AKAP9: variants seen among roughly 807,000 people sequenced by gnomAD.
AKAP9 encodes the protein A-kinase anchor protein 9.
In AKAP9, 311 loss-of-function variants were observed where a neutral mutation model predicts 488.5. That is an observed-to-expected ratio of 0.64 (90% CI 0.58 to 0.70). The LOEUF is 0.70. Ranked by LOEUF, AKAP9 falls within the 30% of genes least tolerant of loss-of-function variation. The pLI is 0.00. For synonymous variants in AKAP9, 1,462 were observed against 1,483.5 expected, an observed-to-expected ratio of 0.99 and a Z score of 0.33; for missense variants, 4,215 against 4,374.5, an observed-to-expected ratio of 0.96 and a Z score of 1.03.
rs1316869578 is a variant in AKAP9, at chr7:92,002,098, A to G, written c.2181A>G (p.Glu727=). The G allele has an allele frequency of 1.9e-6, 3 of 1,594,268 alleles. No individual in the cohort carries two copies. Among genetic ancestry groups the G allele is most frequent in the Admixed American group, 3.6e-5 (2 of 55,118 alleles). The change falls in exon 8 of 50, where the codon GAA becomes GAG. Residue 727 remains glutamate (E), a synonymous_variant. Coordinates refer to ENST00000356239, the MANE Select transcript of AKAP9 (RefSeq NM_005751.5). ...TTCAAATCAATGAACTTCAAAAAGA[A>G]ATTGAAATACTCAGACAAGAAGAAA... ...MTLQINELQK[E]IEILRQEEKE... is the part of the protein sequence containing the mutation.
In AKAP9 at chr7:92,002,784, C is replaced by T. The variant is rs1169980644; in HGVS notation, c.2867C>T (p.Ser956Leu). 4 of 1,613,534 alleles carry T rather than the reference C, an allele frequency of 2.5e-6. No individual in the cohort carries two copies. Among genetic ancestry groups the T allele is most frequent in the Non-Finnish European group, 3.4e-6 (4 of 1,179,720 alleles). The change falls in exon 8 of 50, where the codon TCA (serine) becomes TTA (leucine). Residue 956 changes from serine (S) to leucine (L), a missense_variant. By Grantham distance (145) the Ser-to-Leu change is moderately radical. Around this residue, in one of 5 missense-constraint regions of AKAP9, gnomAD observed 2,361 missense variants for 2,430.0 expected, o/e 0.97. Coordinates refer to ENST00000356239, the MANE Select transcript of AKAP9 (RefSeq NM_005751.5). ...EVTKREKLELSQRLSDLSEQL... is the reference protein window; with the variant it reads ...EVTKREKLELLQRLSDLSEQL... ...ACCAAGCGAGAGAAATTAGAGCTGT[C>T]ACAGAGACTGTCTGATCTTTCTGAA...
intron 49 of AKAP9, chr7:92,109,093 G>T: frequency 3.9e-6 from 1 of 254,342 alleles, no homozygotes; most frequent in Non-Finnish European, 7.7e-6. Context: ...CAAATCGGGT[G>T]GAGTTAAGGA....
intron 10 of AKAP9, among the ~76,000 whole-genome samples, chr7:92,015,366 ATTTT>A (rs11345067): frequency 7.3e-6 from 1 of 137,890 alleles, no homozygotes. Context: ...TGTGTTAGGA[ATTTT>A]TTTTTTTTTT....
chr7:91,992,679 A>C (rs1475902009), intron 4 of AKAP9, among the ~76,000 whole-genome samples: 3 of 56,300 alleles, frequency 5.3e-5, no homozygotes, highest in Non-Finnish European at 1.2e-4. Context: ...AAAAAAAAAA[A>C]AAAAAACTCA....
chr7:92,050,428 G>A (rs928413293), intron 21 of AKAP9, among the ~76,000 whole-genome samples: 3 of 152,076 alleles, frequency 2.0e-5, no homozygotes, highest in Non-Finnish European at 4.4e-5. Flanking sequence ...GTTGTCCTCT[G>A]AGAGAGCAGC....
intron 3 of AKAP9, among the ~76,000 whole-genome samples, chr7:91,990,830 T>G (rs1797659599): frequency 6.6e-6 from 1 of 152,234 alleles, no homozygotes; most frequent in Admixed American, 6.5e-5. Flanking sequence ...TTTTACTTTC[T>G]GTAGTCAACC....
chr7:92,077,067 TTTA>T (rs199680174), intron 29 of AKAP9, 60 bp downstream of exon 29: 475 of 469,502 alleles, frequency 1.0e-3, no homozygotes, highest in Middle Eastern at 1.3e-3. Flanking sequence ...CCTATATTGC[TTTA>T]TTATTATTAT....
intron 24 of AKAP9, chr7:92,063,603 G>A (rs779319971): frequency 3.7e-5 from 19 of 519,166 alleles, no homozygotes; most frequent in Non-Finnish European, 4.2e-5. Context: ...TAGTTTTGCA[G>A]TGTTGCTGTT....
chr7:92,085,637 C>T lies in AKAP9; in HGVS notation c.8975C>T (p.Ser2992Leu), dbSNP rs149341527. 128 of 1,613,724 alleles carry T rather than the reference C, an allele frequency of 7.9e-5. No individual in the cohort carries two copies. The African/African-American group carries it at 1.4e-3, about 18-fold the overall frequency. ...EERKAYINTI[S>L]SLKDLITKMQ... is the part of the protein sequence containing the mutation. ...AGAAAAGCTTACATCAATACAATCT[C>T]ATCTCTAAAGGATTTAATTACAAAG... Residue 2992 changes from serine (S) to leucine (L), a missense_variant, in exon 36 of 50, where the codon TCA (serine) becomes TTA (leucine). Ser to Leu is a moderately radical substitution (Grantham distance 145, BLOSUM62 -2). Around this residue, in one of 5 missense-constraint regions of AKAP9, gnomAD observed 1,476 missense variants for 1,477.4 expected, o/e 1.00. Transcript: ENST00000356239.
Position 92,014,312 on chromosome 7 carries a change from GTTC to G in AKAP9, c.3599_3601del (p.Ser1200del). 6.2e-7 allele frequency: 1 copy of G among 1,612,202 alleles called. No homozygotes were observed. Among genetic ancestry groups the G allele is most frequent in the Non-Finnish European group, 8.5e-7 (1 of 1,178,602 alleles). On this transcript the variant is annotated inframe_deletion, in exon 10 of 50. Coordinates refer to ENST00000356239, the MANE Select transcript of AKAP9 (RefSeq NM_005751.5). ...CTTCAAAAGGCAGTGTCTGAAGAATGTTCTTATTTTTTACAGGTAAAATGTTTA... is the reference window on the plus strand; with the variant it reads ...CTTCAAAAGGCAGTGTCTGAAGAATGTTATTTTTTACAGGTAAAATGTTTA...
At position 92,082,590 on chromosome 7, in the gene AKAP9, T is replaced by C; in HGVS notation, c.8088T>C (p.Ala2696=). 6.2e-7 allele frequency: 1 copy of C among 1,614,062 alleles called. No individual in the cohort carries two copies. The highest frequency in any genetic ancestry group is 8.5e-7 in the Non-Finnish European group (1 of 1,179,962). ...TTAATGAACTCGAGGCTCTTAGAGCTGAATCAGTGGCTACCAAAGCAGAAC... is the reference window on the plus strand; with the variant it reads ...TTAATGAACTCGAGGCTCTTAGAGCCGAATCAGTGGCTACCAAAGCAGAAC... ...GFFNELEALR[A]ESVATKAELA... The change falls in exon 32 of 50, where the codon GCT becomes GCC. Residue 2696 remains alanine, a synonymous_variant. Coordinates refer to ENST00000356239, the MANE Select transcript of AKAP9 (RefSeq NM_005751.5).
At chr7:91,989,040 A>G (rs1797454138) in intron 3 of AKAP9, among the ~76,000 whole-genome samples, 1 of 152,212 alleles carries the variant, frequency 6.6e-6, no homozygotes, top group Admixed American at 6.5e-5. Context: ...TTTGGCATAC[A>G]TTAGACGTTC....
intron 3 of AKAP9, among the ~76,000 whole-genome samples, chr7:91,991,175 GAT>G (rs1269291252): frequency 6.6e-6 from 1 of 152,212 alleles, no homozygotes; most frequent in Admixed American, 6.5e-5. Flanking sequence ...TCGTTACACT[GAT>G]AGGCTACAGT....
chr7:92,082,090 A>G (rs1813683128), intron 31 of AKAP9, among the ~76,000 whole-genome samples: 1 of 152,022 alleles, frequency 6.6e-6, no homozygotes, highest in Admixed American at 6.6e-5. Flanking sequence ...GTGCACCACA[A>G]CACCTGGCTA....
chr7:92,026,015 A>C (rs116351542), intron 14 of AKAP9, among the ~76,000 whole-genome samples: 2 of 152,200 alleles, frequency 1.3e-5, no homozygotes, highest in Non-Finnish European at 2.9e-5. Context: ...AATACTGCCT[A>C]TTAGAGTAAT....
intron 8 of AKAP9, among the ~76,000 whole-genome samples, chr7:92,010,338 C>A (rs181971116): frequency 1.1e-3 from 164 of 152,368 alleles, no homozygotes; most frequent in Non-Finnish European, 1.9e-3. Context: ...TGATCATTCG[C>A]AGGACTGCTC....
intron 22 of AKAP9, among the ~76,000 whole-genome samples, chr7:92,060,951 A>G (rs1417718159): frequency 2.0e-5 from 3 of 152,144 alleles, no homozygotes; most frequent in South Asian, 4.1e-4. Context: ...CATTAACTTT[A>G]TATCTTCTTT....
intron 3 of AKAP9, among the ~76,000 whole-genome samples, chr7:91,985,016 T>C (rs533667210): frequency 1.0e-3 from 156 of 152,330 alleles, no homozygotes; most frequent in African/African-American, 3.7e-3. Context: ...GATTTTGGGC[T>C]GAGACAATGG....
chr7:92,076,900 G>A lies in AKAP9; in HGVS notation c.6658G>A (p.Glu2220Lys). Residue 2220 changes from glutamate to lysine, a missense_variant, in exon 29 of 50, where the codon GAA becomes AAA. Around this residue, in one of 5 missense-constraint regions of AKAP9, gnomAD observed 51 missense variants for 87.3 expected, o/e 0.58. Transcript: ENST00000356239. ...ATTAGAACAGTTTAGAGAAGAACTG[G>A]AAAATAAGAATGAAGAAGTTCAACA... ...EQLEQFREEL[E>K]NKNEEVQQLH... The A allele has an allele frequency of 6.6e-7, 1 of 1,512,852 alleles. No individual in the cohort carries two copies. The highest frequency in any genetic ancestry group is 9.1e-7 in the Non-Finnish European group (1 of 1,104,272). 93.7% of individuals were successfully genotyped at this position (1,512,852 alleles called of 1,614,324 possible).
Sources: allele counts gnomAD v4.1 joint callset (sites outside exome capture counted in the v4.1 genomes callset), GRCh38; gene constraint gnomAD v4.1.1; regional missense constraint gnomAD v4.1.1; transcripts MANE v1.5; gene names NCBI Gene and HGNC (gene_info 2026-07-23, HGNC 2026-07-21).